Variants in TBC1D19 observed in about 807,000 individuals in gnomAD.
The protein encoded by TBC1D19 is TBC1 domain family, member 19.
In TBC1D19, 60 loss-of-function variants were observed where a neutral mutation model predicts 89.0. The ratio of observed to expected loss-of-function variants is 0.67; its 90% CI spans 0.55 to 0.84. The LOEUF is 0.84. Ranked by LOEUF, TBC1D19 falls within the 40% of genes least tolerant of loss-of-function variation. The probability of loss-of-function intolerance (pLI) is 0.00; values close to 1 mark genes in which losing one functional copy is unlikely to be tolerated. For synonymous variants in TBC1D19, 189 were observed against 199.7 expected, an observed-to-expected ratio of 0.95 and a Z score of 0.45; for missense variants, 500 against 610.8, an observed-to-expected ratio of 0.82 and a Z score of 1.91.
the TBC1D19 span, among the ~76,000 whole-genome samples, chr4:26,782,417 C>T: frequency 6.6e-6 from 1 of 152,154 alleles, no homozygotes. Flanking sequence ...TTGAACTTCT[C>T]ACTGGTGCAC....
At chr4:26,651,541 G>A (rs1262274458) in intron 7 of TBC1D19, among the ~76,000 whole-genome samples, 2 of 152,148 alleles carry the variant, frequency 1.3e-5, no homozygotes, top group Non-Finnish European at 2.9e-5. Context: ...AAGAATGTTT[G>A]TGATTTTTGC....
the TBC1D19 span, among the ~76,000 whole-genome samples, chr4:26,804,895 C>A: frequency 1.3e-5 from 2 of 152,224 alleles, no homozygotes; most frequent in Non-Finnish European, 2.9e-5. Context: ...GGGCAGACAG[C>A]TGAGATATTG....
At chr4:26,650,844 T>C (rs1275975505) in intron 7 of TBC1D19, among the ~76,000 whole-genome samples, 1 of 152,248 alleles carries the variant, frequency 6.6e-6, no homozygotes, top group Non-Finnish European at 1.5e-5. Flanking sequence ...TTTATGGTTT[T>C]AGGTCTCACA....
At chr4:26,701,365 C>T (rs376174414) in intron 13 of TBC1D19, among the ~76,000 whole-genome samples, 3 of 152,096 alleles carry the variant, frequency 2.0e-5, no homozygotes, top group Non-Finnish European at 4.4e-5. Context: ...TTTTGAAGTA[C>T]TGTGTAGTAC....
the TBC1D19 span, among the ~76,000 whole-genome samples, chr4:26,838,454 A>T: frequency 6.6e-6 from 1 of 152,192 alleles, no homozygotes; most frequent in South Asian, 2.1e-4. Context: ...CTTCATGAAA[A>T]ACGGGAATAA....
the TBC1D19 span, among the ~76,000 whole-genome samples, chr4:26,807,775 T>C: frequency 5.9e-5 from 9 of 152,182 alleles, no homozygotes; most frequent in Non-Finnish European, 1.3e-4. Flanking sequence ...GACATACTTA[T>C]TTACAGAACA....
intron 1 of TBC1D19, among the ~76,000 whole-genome samples, chr4:26,607,551 C>A (rs377437964): frequency 1.3e-5 from 2 of 152,146 alleles, no homozygotes; most frequent in Admixed American, 6.6e-5. Context: ...GATTCCAGAT[C>A]TTTTGATGCC....
chr4:26,620,278 TTG>T (rs1356547955), intron 3 of TBC1D19, among the ~76,000 whole-genome samples: 1 of 152,212 alleles, frequency 6.6e-6, no homozygotes, highest in African/African-American at 2.4e-5. Context: ...TCCAAATTTA[TTG>T]TGTCTTATTA....
At chr4:26,772,632 C>T in the TBC1D19 span, among the ~76,000 whole-genome samples, 1 of 152,138 alleles carries the variant, frequency 6.6e-6, no homozygotes, top group African/African-American at 2.4e-5. Context: ...ATCCCACACC[C>T]CCAACAGACC....
At chr4:26,698,697 GAAATA>G (rs1447354312) in intron 13 of TBC1D19, among the ~76,000 whole-genome samples, 1 of 152,116 alleles carries the variant, frequency 6.6e-6, no homozygotes, top group African/African-American at 2.4e-5. Context: ...AGAGCCCTCA[GAAATA>G]ATACTACACA....
the TBC1D19 span, among the ~76,000 whole-genome samples, chr4:26,832,819 C>T: frequency 6.6e-6 from 1 of 152,064 alleles, no homozygotes; most frequent in Non-Finnish European, 1.5e-5. Context: ...CATGGCAAAA[C>T]CCCATCTCTA....
intron 1 of TBC1D19, among the ~76,000 whole-genome samples, chr4:26,608,177 C>T (rs866363691): frequency 2.0e-5 from 3 of 152,120 alleles, no homozygotes; most frequent in Middle Eastern, 6.8e-3. Flanking sequence ...TTTCAATTTC[C>T]TACATCATTT....
intron 13 of TBC1D19, among the ~76,000 whole-genome samples, chr4:26,707,371 C>G (rs776530286): frequency 1.3e-4 from 19 of 151,940 alleles, no homozygotes; most frequent in Non-Finnish European, 2.5e-4. Flanking sequence ...CTTTTGGTTA[C>G]TATTTGCATG....
At chr4:26,799,952 T>TAAA in the TBC1D19 span, among the ~76,000 whole-genome samples, 3 of 151,768 alleles carry the variant, frequency 2.0e-5, no homozygotes, top group Non-Finnish European at 4.4e-5. Context: ...TTCTTTTTTT[T>TAAA]AAAAAACTGT....
At chr4:26,831,578 C>CTTTTTTTTTT in the TBC1D19 span, among the ~76,000 whole-genome samples, 4 of 123,356 alleles carry the variant, frequency 3.2e-5, no homozygotes, top group Non-Finnish European at 4.7e-5. Flanking sequence ...TCTTTTTCTT[C>CTTTTTTTTTT]TTTTTTTTTT....
chr4:26,802,367 G>A, the TBC1D19 span, among the ~76,000 whole-genome samples: 2 of 152,184 alleles, frequency 1.3e-5, no homozygotes, highest in African/African-American at 2.4e-5. Context: ...TTGGGAGGCC[G>A]AGGCGGGCAG....
intron 1 of TBC1D19, among the ~76,000 whole-genome samples, chr4:26,589,605 A>G (rs545391378): frequency 1.6e-4 from 24 of 152,254 alleles, no homozygotes; most frequent in Admixed American, 1.2e-3. Flanking sequence ...TTGGCAGCCC[A>G]GTTCTGCCTT....
intron 11 of TBC1D19, among the ~76,000 whole-genome samples, chr4:26,675,133 G>T (rs1338830289): frequency 1.3e-5 from 2 of 151,968 alleles, no homozygotes; most frequent in Non-Finnish European, 2.9e-5. Context: ...TTTGGTGAGT[G>T]TATCAATTCT....
chr4:26,602,955 A>T (rs1027068444), intron 1 of TBC1D19, among the ~76,000 whole-genome samples: 8 of 152,250 alleles, frequency 5.3e-5, no homozygotes, highest in African/African-American at 1.9e-4. Flanking sequence ...GAAGAAAAGC[A>T]GGTATGTGAT....
Sources: gnomAD v4.1 joint callset for allele counts (sites outside exome capture counted in the v4.1 genomes callset) on GRCh38, gnomAD v4.1.1 for gene constraint, MANE v1.5 for transcripts, NCBI Gene and HGNC (gene_info 2026-07-23, HGNC 2026-07-21) for gene names.